The following RAI1 variants were observed in gnomAD, a reference collection of about 807,000 sequenced individuals.
RAI1 encodes retinoic acid-induced protein 1.
Under a neutral mutation model 123.8 loss-of-function variants are expected in RAI1, and 9 were observed. That is an observed-to-expected ratio of 0.07 (90% CI 0.04 to 0.13). The LOEUF (loss-of-function observed/expected upper bound fraction) is 0.13. Among genes scored for constraint, RAI1 ranks in the 10% least tolerant of loss-of-function variants. The pLI is 1.00. For missense variants in RAI1, 2,256 were observed against 2,545.8 expected (o/e 0.89, Z 2.45); for synonymous variants, 1,231 against 1,127.3 (o/e 1.09, Z -1.84).
rs2032763604 is a variant in RAI1, at chr17:17,811,095, C to T, written c.*1114C>T. On this transcript the variant is annotated 3_prime_UTR_variant, in exon 6 of 6. Transcript: ENST00000353383. ...GGCCAGTCCCTGCCAGTCCGTCCGC[C>T]TGTCCGTCCGTGTCCTCAGCTCTGT... 1.0e-5 allele frequency: 3 copies of T among 293,544 alleles called. No individual in the cohort carries two copies. The highest frequency in any genetic ancestry group is 2.0e-5 in the Non-Finnish European group (3 of 148,016). The allele number at this position is 293,544 out of a possible 1,614,324, so 18.2% of individuals were successfully genotyped here. A position where few individuals can be genotyped will look rare whatever the true frequency, so the allele number is the denominator to read the frequency against.
Position 17,798,264 on chromosome 17 carries a change from T to C in RAI1, c.5316T>C (p.Ser1772=), listed in dbSNP as rs1294142279. The C allele has an allele frequency of 1.2e-6, 2 of 1,603,310 alleles. No individual in the cohort carries two copies. The highest frequency in any genetic ancestry group is 3.4e-5 in the Admixed American group (2 of 58,912). The change falls in exon 3 of 6, where the codon AGT becomes AGC. Residue 1772 remains serine (S), a synonymous_variant. Transcript: ENST00000353383. ...CCAAGCAGGGCCCACTGCGCACCAG[T>C]GCCCGGGGCCTGTCCCGGAGGCTGC... ...DPAKQGPLRT[S]ARGLSRRLQS...
rs114101878 is a variant in RAI1 at position 17,694,020 on chromosome 17, G to C, written c.-149+12227G>C. Among the ~76,000 whole-genome samples, 7 of 152,358 alleles carry C rather than the reference G, an allele frequency of 4.6e-5. No individual in the cohort carries two copies. In the South Asian group the frequency reaches 1.2e-3, roughly 27 times the overall value. On this transcript the variant is annotated intron_variant, in intron 1 of 5. Coordinates refer to ENST00000353383, the MANE Select transcript of RAI1 (RefSeq NM_030665.4). Reference sequence around the variant, plus strand: ...CGTAGGACTCGCTGGCTTAGGAGGAGAGTCACCTGTCCTGGCCCAGTCAGT... The same window carrying C: ...CGTAGGACTCGCTGGCTTAGGAGGACAGTCACCTGTCCTGGCCCAGTCAGT...
chr17:17,696,597 G>A (rs893401097), intron 1 of RAI1, among the ~76,000 whole-genome samples: 2 of 152,244 alleles, frequency 1.3e-5, no homozygotes, highest in African/African-American at 4.8e-5. Flanking sequence ...TGGACTGGCT[G>A]TTCACTTTCT....
At chr17:17,688,329 C>T (rs969712214) in intron 1 of RAI1, among the ~76,000 whole-genome samples, 2 of 151,874 alleles carry the variant, frequency 1.3e-5, no homozygotes, top group East Asian at 3.9e-4. Flanking sequence ...ACTAAAAATA[C>T]AAAAATTAGT....
Position 17,796,542 on chromosome 17 carries a change from G to A in RAI1, c.3594G>A (p.Arg1198=). The part of the protein sequence containing the change: ...KVSSSPQKEG[R]VSQRARVPKP... ...CCAGCAGCCCCCAGAAGGAGGGCAG[G>A]GTGAGCCAGCGGGCAAGGGTCCCCA... is the stretch of plus-strand genomic sequence containing the variant. Residue 1198 remains arginine, a synonymous_variant, in exon 3 of 6, where the codon AGG becomes AGA. Transcript: ENST00000353383. This position sits in a 1 kb window ranked among gnomAD's most constrained non-coding sequence, Gnocchi z 5.8. The A allele has an allele frequency of 1.2e-6, 2 of 1,611,144 alleles. No homozygotes were observed. Among genetic ancestry groups the A allele is most frequent in the Non-Finnish European group, 1.7e-6 (2 of 1,179,966 alleles).
intron 2 of RAI1, among the ~76,000 whole-genome samples, chr17:17,754,622 T>A (rs892063558): frequency 6.6e-6 from 1 of 152,220 alleles, no homozygotes; most frequent in Non-Finnish European, 1.5e-5. Flanking sequence ...TTATGTGCCT[T>A]AGCCATGGGA....
In RAI1 at chr17:17,810,715, CTGTT is replaced by C. The variant is rs980822766; in HGVS notation, c.*738_*741del. 64 of 426,536 alleles carry C rather than the reference CTGTT, an allele frequency of 1.5e-4. No homozygotes were observed. Among genetic ancestry groups the C allele is most frequent in the Admixed American group, 9.2e-4 (37 of 40,340 alleles). 26.4% of individuals were successfully genotyped at this position (426,536 alleles called of 1,614,324 possible). ...GCGGGACTGGGACACCCTTTGGCCT[CTGTT>C]TGTCCCCTTTCCAGTCCTCCACCCC... On this transcript the variant is annotated 3_prime_UTR_variant, in exon 6 of 6. Transcript: ENST00000353383. This position sits in a 1 kb window ranked among gnomAD's most constrained non-coding sequence, Gnocchi z 4.6.
chr17:17,796,371 G>A lies in RAI1; in HGVS notation c.3423G>A (p.Gln1141=), dbSNP rs780829879. The change falls in exon 3 of 6, where the codon CAG becomes CAA. Residue 1141 remains glutamine, a synonymous_variant. Coordinates refer to ENST00000353383, the MANE Select transcript of RAI1 (RefSeq NM_030665.4). The surrounding 1 kb of genome is among the most constrained non-coding windows in gnomAD (Gnocchi z 5.8). The stretch of plus-strand genomic sequence containing the variant: ...CACCCAGCACGCCTGGCAAGGACCA[G>A]CGCTCCATGATCCTTCGGTCACGCA... ...TDSPSTPGKD[Q]RSMILRSRTK... is the part of the protein sequence containing the mutation. 5.6e-6 allele frequency: 9 copies of A among 1,613,566 alleles called. No individual in the cohort carries two copies. Among genetic ancestry groups the A allele is most frequent in the Non-Finnish European group, 7.6e-6 (9 of 1,180,016 alleles).
In RAI1 at chr17:17,745,039, G is replaced by T. The variant is rs566717512; in HGVS notation, c.-17+20880G>T. ...TCCTGGTGGGGAGACTGACCCCTAA[G>T]CTGATAAATGACCCCTCCATGGGGA... On this transcript the variant is annotated intron_variant, in intron 2 of 5. Coordinates refer to ENST00000353383, the MANE Select transcript of RAI1 (RefSeq NM_030665.4). Among the ~76,000 whole-genome samples, 3 of 152,202 alleles carry T rather than the reference G, an allele frequency of 2.0e-5. No homozygotes were observed. The South Asian group carries it at 6.2e-4, about 32-fold the overall frequency.
intron 1 of RAI1, among the ~76,000 whole-genome samples, chr17:17,706,958 T>G (rs1287079889): frequency 6.6e-6 from 1 of 152,180 alleles, no homozygotes; most frequent in Non-Finnish European, 1.5e-5. Flanking sequence ...TGCCCATGGG[T>G]GAGCAGACAG....
chr17:17,771,367 G>A (rs2031151395), intron 2 of RAI1, among the ~76,000 whole-genome samples: 2 of 152,336 alleles, frequency 1.3e-5, no homozygotes, highest in South Asian at 2.1e-4. Context: ...CCGACTAGCT[G>A]TTCATTTGAG....
At chr17:17,752,292 C>T (rs1025761458) in intron 2 of RAI1, among the ~76,000 whole-genome samples, 1 of 152,352 alleles carries the variant, frequency 6.6e-6, no homozygotes, top group African/African-American at 2.4e-5. Context: ...CCCCAGCCCC[C>T]AGCCCGGGCA....
At chr17:17,704,738 G>A (rs1279459734) in intron 1 of RAI1, among the ~76,000 whole-genome samples, 1 of 151,964 alleles carries the variant, frequency 6.6e-6, no homozygotes, top group Non-Finnish European at 1.5e-5. Context: ...GCTAATACGT[G>A]GCCTCTGCTG....
chr17:17,753,549 A>G (rs1393750695), intron 2 of RAI1, among the ~76,000 whole-genome samples: 1 of 152,236 alleles, frequency 6.6e-6, no homozygotes, highest in African/African-American at 2.4e-5. Context: ...AATTTGAGCC[A>G]AGCTAATAAC....
At chr17:17,781,160 C>G (rs1025369932) in intron 2 of RAI1, among the ~76,000 whole-genome samples, 44 of 152,232 alleles carry the variant, frequency 2.9e-4, no homozygotes, top group African/African-American at 9.9e-4. Context: ...AGGCGGTATT[C>G]TTCCCCGCCA....
At chr17:17,792,758 A>AG (rs999054288) in intron 2 of RAI1, among the ~76,000 whole-genome samples, 175 bp from the exon 3 acceptor site, 1 of 76,422 alleles carries the variant, frequency 1.3e-5, no homozygotes, top group East Asian at 4.4e-4. Context: ...GCTCAGGCGA[A>AG]GGGGGGACTA....
At position 17,802,542 on chromosome 17, in the gene RAI1, T is replaced by C. The variant is rs536251972; in HGVS notation, c.5566-1214T>C. On this transcript the variant is annotated intron_variant, in intron 3 of 5. Transcript: ENST00000353383. ...CTGTAATCCCAGCACTTTGGGAGGC[T>C]GAGGTGGGCGGATCACGAGGTCAGG... Among the ~76,000 whole-genome samples the C allele has an allele frequency of 6.9e-3, 1,032 of 149,828 alleles. 14 individuals are homozygous for C. The highest frequency in any genetic ancestry group is 7.5e-3 in the Non-Finnish European group (503 of 67,388).
intron 2 of RAI1, among the ~76,000 whole-genome samples, chr17:17,786,756 G>A (rs1315387829): frequency 6.6e-6 from 1 of 152,234 alleles, no homozygotes; most frequent in Non-Finnish European, 1.5e-5. Context: ...GGACAAGGCT[G>A]GGGCCAGACA....
At chr17:17,806,050 C>A (rs1472182927) in intron 4 of RAI1, among the ~76,000 whole-genome samples, 1 of 152,224 alleles carries the variant, frequency 6.6e-6, no homozygotes, top group Non-Finnish European at 1.5e-5. Context: ...CACTGCCCAG[C>A]CCCCCAAGGG....
Sources: gnomAD v4.1 joint callset for allele counts (sites outside exome capture counted in the v4.1 genomes callset) on GRCh38, gnomAD v4.1.1 for gene constraint, Gnocchi (gnomAD v3.1) non-coding constraint, MANE v1.5 for transcripts, NCBI Gene and HGNC (gene_info 2026-07-23, HGNC 2026-07-21) for gene names.